TMEM120B: variants seen among roughly 807,000 people sequenced by gnomAD.
TMEM120B encodes the protein transmembrane protein 120B.
A neutral mutation model predicts 55.5 loss-of-function variants in TMEM120B; 31 were observed. The ratio of observed to expected loss-of-function variants is 0.56; its 90% confidence interval spans 0.42 to 0.75. The LOEUF (loss-of-function observed/expected upper bound fraction) is 0.75, where lower values mean the gene tolerates loss of function less well. Among genes scored for constraint, TMEM120B ranks in the 30% least tolerant of loss-of-function variants. The pLI, the probability that TMEM120B is intolerant of heterozygous loss-of-function variation, is 0.00. For synonymous variants in TMEM120B, 203 were observed against 176.3 expected, an observed-to-expected ratio of 1.15 and a Z score of -1.20; for missense variants, 399 against 425.5, an observed-to-expected ratio of 0.94 and a Z score of 0.55.
chr12:121,718,220 T>A (rs1452948483), intron 1 of TMEM120B, among the ~76,000 whole-genome samples: 1 of 152,216 alleles, frequency 6.6e-6, no homozygotes, highest in Admixed American at 6.6e-5. Flanking sequence ...CAGTGGCCCA[T>A]GCCTGTAATC....
At chr12:121,757,147 G>T (rs1038230276) in intron 5 of TMEM120B, among the ~76,000 whole-genome samples, 4 of 151,232 alleles carry the variant, frequency 2.6e-5, no homozygotes, top group African/African-American at 4.9e-5. Context: ...CGGTGGGGGG[G>T]GGGGGTGTCA....
At chr12:121,767,024 G>A (rs1376675260) in intron 6 of TMEM120B, among the ~76,000 whole-genome samples, 1 of 152,192 alleles carries the variant, frequency 6.6e-6, no homozygotes, top group Non-Finnish European at 1.5e-5. Flanking sequence ...CCATGTTAAT[G>A]TGTCCTGAAG....
chr12:121,750,765 C>CA (rs1216427021), intron 4 of TMEM120B, among the ~76,000 whole-genome samples: 1 of 142,350 alleles, frequency 7.0e-6, no homozygotes, highest in African/African-American at 2.6e-5. Context: ...ACTCCACACT[C>CA]ACACTCCACA....
chr12:121,758,900 G>A (rs561155337), intron 5 of TMEM120B: 2 of 982,106 alleles, frequency 2.0e-6, no homozygotes, highest in Non-Finnish European at 2.4e-6. Flanking sequence ...GGAGGAGGAC[G>A]GCCTAGCCCC....
rs191604348 is a variant in TMEM120B at position 121,776,209 on chromosome 12, C to A, written c.*487C>A. On this transcript the variant is annotated 3_prime_UTR_variant, in exon 12 of 12. Coordinates refer to ENST00000449592, the MANE Select transcript of TMEM120B (RefSeq NM_001080825.2). Reference sequence around the variant, plus strand: ...CTTCTGCTGTGAGCCCCCTCCTCGCCCACCCCGCCACGTGGTGAGGGTTAT... The same window carrying A: ...CTTCTGCTGTGAGCCCCCTCCTCGCACACCCCGCCACGTGGTGAGGGTTAT... 4 of 279,284 alleles carry A rather than the reference C, an allele frequency of 1.4e-5. No individual in the cohort carries two copies. The East Asian group carries it at 2.5e-4, about 18-fold the overall frequency. 17.3% of individuals were successfully genotyped at this position (279,284 alleles called of 1,614,324 possible).
intron 1 of TMEM120B, among the ~76,000 whole-genome samples, chr12:121,736,785 T>C (rs1895125690): frequency 6.6e-6 from 1 of 152,116 alleles, no homozygotes; most frequent in Admixed American, 6.6e-5. Flanking sequence ...CCTCAGGTGA[T>C]CTGCCCACTT....
At chr12:121,770,065 G>T (rs1284699700) in intron 6 of TMEM120B, among the ~76,000 whole-genome samples, 1 of 152,194 alleles carries the variant, frequency 6.6e-6, no homozygotes, top group African/African-American at 2.4e-5. Context: ...AGAGAGAGCA[G>T]CAAGTCCAAA....
intron 8 of TMEM120B, 56 bp from the exon 9 acceptor site, chr12:121,773,365 G>GC (rs1251169225): frequency 1.0e-5 from 15 of 1,504,850 alleles, no homozygotes; most frequent in Non-Finnish European, 1.4e-5. Context: ...GAGAGGTGTG[G>GC]CCCTGTCTTC....
chr12:121,775,563 G>T lies in TMEM120B; in HGVS notation c.907-46G>T. 2 of 1,583,888 alleles carry T rather than the reference G, an allele frequency of 1.3e-6. No individual in the cohort carries two copies. The highest frequency in any genetic ancestry group is 1.7e-6 in the Non-Finnish European group (2 of 1,163,298). On this transcript the variant is annotated intron_variant, in intron 11 of 11. Transcript: ENST00000449592. This position sits in a 1 kb window ranked among gnomAD's most constrained non-coding sequence, Gnocchi z 4.3. ...CTGGGGTGCTGGGGGCAGGGGTTCA[G>T]CAGGGCAGATGCCCCAGCCTCGCCC...
At chr12:121,757,485 G>GT (rs1410551520) in intron 5 of TMEM120B, among the ~76,000 whole-genome samples, 1 of 150,800 alleles carries the variant, frequency 6.6e-6, no homozygotes, top group Admixed American at 6.6e-5. Context: ...GGGACTACAG[G>GT]TGCTTACCAC....
chr12:121,779,654 G>A lies in TMEM120B; in HGVS notation c.*3932G>A, dbSNP rs750887035. 3.1e-5 allele frequency: 50 copies of A among 1,613,788 alleles called. No individual in the cohort carries two copies. The Admixed American group carries it at 7.0e-4, about 23-fold the overall frequency. On this transcript the variant is annotated 3_prime_UTR_variant, in exon 12 of 12. Coordinates refer to ENST00000449592, the MANE Select transcript of TMEM120B (RefSeq NM_001080825.2). ...GAGCAGCTCGGATCTGTTCGCAGGC[G>A]CTCAGGCCCTGGGTGGGGGGAGGAG... is the stretch of plus-strand genomic sequence containing the variant.
At position 121,771,477 on chromosome 12, in the gene TMEM120B, C is replaced by T; in HGVS notation, c.618-11C>T. 6.2e-7 allele frequency: 1 copy of T among 1,613,456 alleles called. No homozygotes were observed. Among genetic ancestry groups the T allele is most frequent in the Non-Finnish European group, 8.5e-7 (1 of 1,179,510 alleles). On this transcript the variant is annotated splice_polypyrimidine_tract_variant and intron_variant, in intron 7 of 11. Coordinates refer to ENST00000449592, the MANE Select transcript of TMEM120B (RefSeq NM_001080825.2). ...GGGCCCCACCTTTGTTTTTTCCTAC[C>T]TTCTCTCCAGGCCTAATGGACCCAT...
At chr12:121,770,454 A>G (rs1002475592) in intron 6 of TMEM120B, among the ~76,000 whole-genome samples, 1 of 152,136 alleles carries the variant, frequency 6.6e-6, no homozygotes, top group East Asian at 1.9e-4. Context: ...TGGAGCCACT[A>G]TTCAGTCTGT....
chr12:121,776,056 C>A lies in TMEM120B; in HGVS notation c.*334C>A. 1 of 573,492 alleles carries A rather than the reference C, an allele frequency of 1.7e-6. No individual in the cohort carries two copies. Among genetic ancestry groups the A allele is most frequent in the Non-Finnish European group, 3.1e-6 (1 of 324,082 alleles). 35.5% of individuals were successfully genotyped at this position (573,492 alleles called of 1,614,324 possible). On this transcript the variant is annotated 3_prime_UTR_variant, in exon 12 of 12. Transcript: ENST00000449592. ...TCTGTTCCCACTCCTGTCATTTGAA[C>A]CCCTCTGGGTGGGGTTTGGATGTGC... is the stretch of plus-strand genomic sequence containing the variant.
Position 121,746,060 on chromosome 12 carries a change from C to T in TMEM120B, c.189-2266C>T, listed in dbSNP as rs147492481. Among the ~76,000 whole-genome samples, 24 of 151,628 alleles carry T rather than the reference C, an allele frequency of 1.6e-4. No individual in the cohort carries two copies. In the East Asian group the frequency reaches 3.7e-3, roughly 23 times the overall value. ...ATTTTCAGTAGAGACAGGGTTTTGC[C>T]ATTTTGGCCAGGCTGGTCTCGAACT... On this transcript the variant is annotated intron_variant, in intron 2 of 11. Coordinates refer to ENST00000449592, the MANE Select transcript of TMEM120B (RefSeq NM_001080825.2).
chr12:121,774,806 C>G, intron 10 of TMEM120B, 84 bp downstream of exon 10: 1 of 1,465,944 alleles, frequency 6.8e-7, no homozygotes, highest in South Asian at 1.2e-5. Context: ...CCCTCCTTCT[C>G]CATCCGTCCC....
intron 1 of TMEM120B, among the ~76,000 whole-genome samples, chr12:121,724,111 C>G (rs887006483): frequency 1.3e-4 from 18 of 139,000 alleles, no homozygotes; most frequent in Admixed American, 7.2e-4. Context: ...GATCTCCACT[C>G]ACTGCATCCT....
intron 5 of TMEM120B, among the ~76,000 whole-genome samples, chr12:121,759,493 TGTG>T (rs1449196451): frequency 2.0e-5 from 3 of 147,698 alleles, no homozygotes; most frequent in South Asian, 2.2e-4. Context: ...GCCTGGCCAA[TGTG>T]GTGAAACCCT....
chr12:121,763,586 G>GTA (rs1344257200), intron 6 of TMEM120B, among the ~76,000 whole-genome samples: 1 of 152,104 alleles, frequency 6.6e-6, no homozygotes, highest in East Asian at 1.9e-4. Context: ...AGGATCACAG[G>GTA]TGCGTGCCAC....
Sources: gnomAD v4.1 joint callset for allele counts (sites outside exome capture counted in the v4.1 genomes callset) on GRCh38, gnomAD v4.1.1 for gene constraint, Gnocchi (gnomAD v3.1) non-coding constraint, MANE v1.5 for transcripts, NCBI Gene and HGNC (gene_info 2026-07-23, HGNC 2026-07-21) for gene names.